Variants in LUZP2 observed in about 807,000 individuals in gnomAD.
LUZP2 encodes the protein leucine zipper protein 2.
LUZP2 carries 52 observed loss-of-function variants against 51.6 expected under a neutral mutation model. That is an observed-to-expected ratio of 1.01 (90% CI 0.81 to 1.27). The LOEUF is 1.27. Ranked by LOEUF, LUZP2 falls within the 50% of genes most tolerant of loss-of-function variation. The probability of loss-of-function intolerance (pLI) is 0.00; values close to 1 mark genes in which losing one functional copy is unlikely to be tolerated. For missense variants in LUZP2, 436 were observed against 395.4 expected, an observed-to-expected ratio of 1.10 and a Z score of -0.87; for synonymous variants, 154 against 137.3, an observed-to-expected ratio of 1.12 and a Z score of -0.85.
chr11:25,030,612 C>G (rs1014908206), intron 9 of LUZP2, among the ~76,000 whole-genome samples: 4 of 151,508 alleles, frequency 2.6e-5, no homozygotes, highest in African/African-American at 9.7e-5. Flanking sequence ...TTAAATTTTG[C>G]TGATCTGCTA....
chr11:24,539,277 A>G (rs1356658242), intron 1 of LUZP2, among the ~76,000 whole-genome samples: 1 of 151,974 alleles, frequency 6.6e-6, no homozygotes, highest in Non-Finnish European at 1.5e-5. Flanking sequence ...TTGTGATAAT[A>G]GAATAAAGCT....
At chr11:25,072,339 G>T (rs1000731084) in intron 10 of LUZP2, among the ~76,000 whole-genome samples, 5 of 151,930 alleles carry the variant, frequency 3.3e-5, no homozygotes, top group African/African-American at 9.7e-5. Context: ...TTTTTTTATT[G>T]TTCTATTTTC....
chr11:24,808,413 G>A (rs1010066886), intron 5 of LUZP2, among the ~76,000 whole-genome samples: 1 of 152,100 alleles, frequency 6.6e-6, no homozygotes, highest in Non-Finnish European at 1.5e-5. Flanking sequence ...AACCTTTCCT[G>A]TAGGTGTTAT....
intron 9 of LUZP2, among the ~76,000 whole-genome samples, chr11:25,031,055 C>T (rs1157001376): frequency 2.4e-5 from 3 of 126,114 alleles, no homozygotes; most frequent in Non-Finnish European, 4.8e-5. Context: ...CTCTGTTACC[C>T]AGGCTGGAGT....
intron 6 of LUZP2, among the ~76,000 whole-genome samples, chr11:24,911,687 A>T (rs1049084129): frequency 6.6e-6 from 1 of 152,206 alleles, no homozygotes; most frequent in African/African-American, 2.4e-5. Context: ...ATTTCCTTAT[A>T]GCAGTGTGAG....
At chr11:24,800,810 C>A (rs1849675934) in intron 5 of LUZP2, among the ~76,000 whole-genome samples, 1 of 152,220 alleles carries the variant, frequency 6.6e-6, no homozygotes, top group Non-Finnish European at 1.5e-5. Flanking sequence ...TTCACATTTG[C>A]TTTCCCTAGA....
intron 5 of LUZP2, among the ~76,000 whole-genome samples, chr11:24,807,942 C>T (rs1016096914): frequency 1.1e-4 from 17 of 152,010 alleles, no homozygotes; most frequent in Admixed American, 6.6e-4. Flanking sequence ...AAATTAAAAG[C>T]GTCACTATCA....
chr11:24,878,039 T>C (rs1852328222), intron 5 of LUZP2, among the ~76,000 whole-genome samples: 1 of 152,076 alleles, frequency 6.6e-6, no homozygotes, highest in South Asian at 2.1e-4. Flanking sequence ...ATTTATCTTT[T>C]AGTCTTCCTA....
At chr11:24,632,222 ATTGTAT>A (rs1359766860) in intron 1 of LUZP2, among the ~76,000 whole-genome samples, 7 of 152,002 alleles carry the variant, frequency 4.6e-5, no homozygotes, top group African/African-American at 1.7e-4. Context: ...TCAGGATGCC[ATTGTAT>A]AACTCAAAAT....
intron 1 of LUZP2, among the ~76,000 whole-genome samples, chr11:24,521,730 T>C (rs1200503190): frequency 6.6e-6 from 1 of 152,140 alleles, no homozygotes; most frequent in Non-Finnish European, 1.5e-5. Context: ...GCAGCTCCTT[T>C]GCAATTCAAA....
chr11:24,954,544 G>A (rs1298680383), intron 7 of LUZP2, among the ~76,000 whole-genome samples: 1 of 152,016 alleles, frequency 6.6e-6, no homozygotes, highest in African/African-American at 2.4e-5. Flanking sequence ...ATCATTGTGA[G>A]AAATAAACTG....
At chr11:24,833,576 T>C (rs988579073) in intron 5 of LUZP2, among the ~76,000 whole-genome samples, 47 of 152,200 alleles carry the variant, frequency 3.1e-4, no homozygotes, top group African/African-American at 1.1e-3. Context: ...ATCAGAATTA[T>C]CAGGTCAAAT....
chr11:24,829,173 A>AATG (rs1330060461), intron 5 of LUZP2, among the ~76,000 whole-genome samples: 2 of 152,180 alleles, frequency 1.3e-5, no homozygotes, highest in Admixed American at 1.3e-4. Flanking sequence ...AACAAACAAA[A>AATG]ATGAAATGAA....
intron 1 of LUZP2, among the ~76,000 whole-genome samples, chr11:24,692,823 A>C (rs1411245179): frequency 6.6e-6 from 1 of 152,036 alleles, no homozygotes; most frequent in African/African-American, 2.4e-5. Context: ...ATTACCTTAA[A>C]ATTCATAAAA....
chr11:24,991,754 T>C (rs1374362493), intron 9 of LUZP2, among the ~76,000 whole-genome samples: 1 of 152,076 alleles, frequency 6.6e-6, no homozygotes, highest in Non-Finnish European at 1.5e-5. Context: ...TTTATGATTA[T>C]GGCCATTCTT....
At chr11:24,720,874 T>C (rs1858241879) in intron 1 of LUZP2, among the ~76,000 whole-genome samples, 1 of 152,172 alleles carries the variant, frequency 6.6e-6, no homozygotes, top group Non-Finnish European at 1.5e-5. Flanking sequence ...TAATTTTTTG[T>C]ATTTTTAGTA....
At chr11:24,673,364 C>T (rs1036809512) in intron 1 of LUZP2, among the ~76,000 whole-genome samples, 12 of 152,058 alleles carry the variant, frequency 7.9e-5, no homozygotes, top group African/African-American at 2.4e-4. Flanking sequence ...TTCATGAAGT[C>T]CAATGTGGCT....
At chr11:24,621,700 A>T (rs1854500813) in intron 1 of LUZP2, among the ~76,000 whole-genome samples, 1 of 152,118 alleles carries the variant, frequency 6.6e-6, no homozygotes, top group Non-Finnish European at 1.5e-5. Flanking sequence ...GCATTTTATG[A>T]TGCTCATTAT....
chr11:24,610,416 C>G (rs906527794), intron 1 of LUZP2, among the ~76,000 whole-genome samples: 1 of 152,114 alleles, frequency 6.6e-6, no homozygotes, highest in African/African-American at 2.4e-5. Flanking sequence ...TCAGGTTTAA[C>G]AAAGACATTT....
Sources: gnomAD v4.1 joint callset for allele counts (sites outside exome capture counted in the v4.1 genomes callset) on GRCh38, gnomAD v4.1.1 for gene constraint, MANE v1.5 for transcripts, NCBI Gene and HGNC (gene_info 2026-07-23, HGNC 2026-07-21) for gene names.